Variants in GNAQ observed in about 807,000 individuals in gnomAD.
GNAQ encodes the protein G protein subunit alpha q, also known as guanine nucleotide-binding protein G(q) subunit alpha.
Under a neutral mutation model 43.9 loss-of-function variants are expected in GNAQ, and 8 were observed. The ratio of observed to expected loss-of-function variants is 0.18; its 90% confidence interval spans 0.11 to 0.33. The LOEUF is 0.33. Among genes scored for constraint, GNAQ ranks in the 10% least tolerant of loss-of-function variants. The pLI, the probability that GNAQ is intolerant of heterozygous loss-of-function variation, is 1.00. For missense variants in GNAQ, 158 were observed against 450.8 expected (o/e 0.35, Z 5.88); for synonymous variants, 155 against 170.7 (o/e 0.91, Z 0.71).
At chr9:77,781,310 G>A (rs564228291) in intron 5 of GNAQ, among the ~76,000 whole-genome samples, 35 of 103,782 alleles carry the variant, frequency 3.4e-4, no homozygotes, top group African/African-American at 9.3e-4. Context: ...TTTGCATGTG[G>A]ATATCTAGCT....
intron 2 of GNAQ, among the ~76,000 whole-genome samples, chr9:77,894,854 A>G (rs1180829922): frequency 1.3e-5 from 2 of 151,994 alleles, no homozygotes; most frequent in Non-Finnish European, 2.9e-5. Context: ...TGCTAATTAT[A>G]CCTCAATATA....
At chr9:77,825,924 TC>T (rs1484375214) in intron 2 of GNAQ, among the ~76,000 whole-genome samples, 5 of 152,124 alleles carry the variant, frequency 3.3e-5, no homozygotes, top group Non-Finnish European at 7.3e-5. Flanking sequence ...AGTCTGCACA[TC>T]TACCTGATAC....
chr9:78,014,998 C>A (rs554856354), intron 1 of GNAQ, among the ~76,000 whole-genome samples: 56 of 152,294 alleles, frequency 3.7e-4, no homozygotes, highest in Admixed American at 1.4e-3. Flanking sequence ...TACCAAGCTG[C>A]CAGTTGTACA....
At chr9:77,836,702 C>T (rs968157913) in intron 2 of GNAQ, among the ~76,000 whole-genome samples, 1 of 152,110 alleles carries the variant, frequency 6.6e-6, no homozygotes, top group Non-Finnish European at 1.5e-5. Context: ...GTACTAAATC[C>T]TGTATCTGCT....
At chr9:77,769,415 AGG>A (rs1223114678) in intron 5 of GNAQ, among the ~76,000 whole-genome samples, 1 of 151,410 alleles carries the variant, frequency 6.6e-6, no homozygotes, top group African/African-American at 2.4e-5. Context: ...AAAAAAAAAA[AGG>A]AAGAAGAACT....
At chr9:77,936,820 C>G (rs912912994) in intron 1 of GNAQ, among the ~76,000 whole-genome samples, 1 of 152,106 alleles carries the variant, frequency 6.6e-6, no homozygotes, top group Non-Finnish European at 1.5e-5. Flanking sequence ...ACTTAAGGCT[C>G]TCCCAAGTAT....
intron 1 of GNAQ, among the ~76,000 whole-genome samples, chr9:78,001,091 T>C (rs1439546879): frequency 1.3e-5 from 2 of 152,140 alleles, no homozygotes; most frequent in African/African-American, 4.8e-5. Flanking sequence ...ACTAAGGGCC[T>C]TGGGTTTTGG....
At chr9:77,966,610 AG>A (rs1823170331) in intron 1 of GNAQ, among the ~76,000 whole-genome samples, 1 of 152,178 alleles carries the variant, frequency 6.6e-6, no homozygotes, top group African/African-American at 2.4e-5. Context: ...AACTTCACCC[AG>A]GGGAAAGTAA....
At chr9:77,976,535 G>T (rs568024024) in intron 1 of GNAQ, among the ~76,000 whole-genome samples, 1 of 152,194 alleles carries the variant, frequency 6.6e-6, no homozygotes, top group Non-Finnish European at 1.5e-5. Flanking sequence ...TGGGATTACA[G>T]GCACGCGCTG....
At chr9:77,748,051 C>T (rs1280760521) in intron 5 of GNAQ, among the ~76,000 whole-genome samples, 1 of 152,098 alleles carries the variant, frequency 6.6e-6, no homozygotes, top group Non-Finnish European at 1.5e-5. Context: ...GAGTTCTTAG[C>T]CTGGTCCCAA....
chr9:77,855,537 T>C (rs565145919), intron 2 of GNAQ, among the ~76,000 whole-genome samples: 2 of 152,284 alleles, frequency 1.3e-5, no homozygotes, highest in South Asian at 2.1e-4. Context: ...TTTGAGCTCT[T>C]TGAAATAAGG....
At chr9:77,815,857 T>C in intron 2 of GNAQ, 87 bp from the exon 3 acceptor site, 1 of 790,120 alleles carries the variant, frequency 1.3e-6, no homozygotes, top group Non-Finnish European at 2.1e-6. Context: ...ACAATTCAGG[T>C]AACACCTTCC....
At chr9:77,784,394 C>T (rs999919432) in intron 5 of GNAQ, among the ~76,000 whole-genome samples, 2 of 152,024 alleles carry the variant, frequency 1.3e-5, no homozygotes, top group African/African-American at 4.8e-5. Flanking sequence ...TATTCCTACC[C>T]AAGTGATCTC....
intron 6 of GNAQ, among the ~76,000 whole-genome samples, chr9:77,723,331 G>A (rs775022094): frequency 6.6e-6 from 1 of 152,152 alleles, no homozygotes; most frequent in African/African-American, 2.4e-5. Context: ...CAGTTTGGTG[G>A]TTCCTCAAAA....
intron 2 of GNAQ, among the ~76,000 whole-genome samples, chr9:77,850,632 C>T (rs1005020134): frequency 2.0e-5 from 3 of 152,154 alleles, no homozygotes; most frequent in Non-Finnish European, 4.4e-5. Flanking sequence ...AACTTCCTAG[C>T]CTCCTCACCT....
intron 2 of GNAQ, among the ~76,000 whole-genome samples, chr9:77,889,447 A>AAAAAAAAAAAAT (rs1828366462): frequency 7.4e-6 from 1 of 135,098 alleles, no homozygotes; most frequent in Non-Finnish European, 1.6e-5. Context: ...AAAAAAAAAA[A>AAAAAAAAAAAAT]ATCCTTAATC....
chr9:77,950,610 G>A (rs998735810), intron 1 of GNAQ, among the ~76,000 whole-genome samples: 1 of 152,204 alleles, frequency 6.6e-6, no homozygotes, highest in Admixed American at 6.5e-5. Flanking sequence ...AGGAAATGGG[G>A]AAGGAGAAGG....
chr9:77,871,800 A>G (rs748914222), intron 2 of GNAQ, among the ~76,000 whole-genome samples: 4 of 152,208 alleles, frequency 2.6e-5, no homozygotes, highest in Non-Finnish European at 5.9e-5. Context: ...GACAAGTGGC[A>G]TAACAGAAAA....
chr9:77,731,632 G>C (rs1825490635), intron 5 of GNAQ, among the ~76,000 whole-genome samples: 1 of 152,198 alleles, frequency 6.6e-6, no homozygotes, highest in Non-Finnish European at 1.5e-5. Context: ...CAGGTGATTT[G>C]AATGCACACT....
Sources: allele counts gnomAD v4.1 joint callset (sites outside exome capture counted in the v4.1 genomes callset), GRCh38; gene constraint gnomAD v4.1.1; transcripts MANE v1.5; gene names NCBI Gene and HGNC (gene_info 2026-07-23, HGNC 2026-07-21).